MTAP: variants seen among roughly 807,000 people sequenced by gnomAD.
MTAP encodes the protein methylthioadenosine phosphorylase, also known as S-methyl-5'-thioadenosine phosphorylase.
A neutral mutation model predicts 33.6 loss-of-function variants in MTAP; 33 were observed. The ratio of observed to expected loss-of-function variants is 0.98; its 90% CI spans 0.74 to 1.31. MTAP has a LOEUF of 1.31. Among genes scored for constraint, MTAP ranks in the 40% most tolerant of loss-of-function variants. The probability of loss-of-function intolerance (pLI) is 0.00; values close to 1 mark genes in which losing one functional copy is unlikely to be tolerated. For synonymous variants in MTAP, 148 were observed against 125.7 expected, an observed-to-expected ratio of 1.18 and a Z score of -1.19; for missense variants, 367 against 360.0, an observed-to-expected ratio of 1.02 and a Z score of -0.16.
chr9:21,841,844 A>G (rs1387075885), intron 5 of MTAP, among the ~76,000 whole-genome samples: 1 of 152,220 alleles, frequency 6.6e-6, no homozygotes, highest in Non-Finnish European at 1.5e-5. Flanking sequence ...CAGAAAAGCA[A>G]TTCTGGTAAT....
intron 1 of MTAP, among the ~76,000 whole-genome samples, chr9:21,883,098 G>C (rs1818041854): frequency 6.6e-6 from 1 of 150,382 alleles, no homozygotes; most frequent in South Asian, 2.1e-4. Flanking sequence ...TACAGAACAG[G>C]AGAAGATATA....
At chr9:21,935,071 A>C (rs1188575048), downstream of MTAP, 1 of 152,154 alleles carries the variant, frequency 6.6e-6, no homozygotes, top group African/African-American at 2.4e-5. Flanking sequence ...TGTTAATAGG[A>C]AAATATTAAT....
At chr9:21,826,682 A>AC (rs375002832) in intron 4 of MTAP, among the ~76,000 whole-genome samples, 184 of 149,772 alleles carry the variant, frequency 1.2e-3, no homozygotes, top group Non-Finnish European at 1.9e-3. Context: ...TTGTTCCTTT[A>AC]CCCCCCCAAA....
At chr9:21,852,043 C>G (rs931026407) in intron 5 of MTAP, among the ~76,000 whole-genome samples, 1 of 152,124 alleles carries the variant, frequency 6.6e-6, no homozygotes, top group East Asian at 1.9e-4. Flanking sequence ...CTGACTAATA[C>G]AATGGAATAC....
Position 21,826,219 on chromosome 9 carries a change from T to G in MTAP, c.347+8017T>G, listed in dbSNP as rs1437281417. On this transcript the variant is annotated intron_variant, in intron 4 of 7. Transcript: ENST00000644715. ...TTTTTTTTTTAAAGAGAGTATAAAT[T>G]AGTATTTCCTTAGTATTAGATATCT... 6.6e-5 allele frequency among the ~76,000 whole-genome samples: 10 copies of G among 151,516 alleles called. No homozygotes were observed. In the East Asian group the frequency reaches 1.9e-3, roughly 29 times the overall value.
intron 1 of MTAP, among the ~76,000 whole-genome samples, chr9:21,923,639 G>C (rs1818822224): frequency 6.6e-6 from 1 of 152,078 alleles, no homozygotes; most frequent in Admixed American, 6.6e-5. Flanking sequence ...CAGGAGGACA[G>C]GGAACCTCTA....
intron 1 of MTAP, among the ~76,000 whole-genome samples, chr9:21,913,783 C>T (rs1818626631): frequency 6.6e-6 from 1 of 152,200 alleles, no homozygotes; most frequent in South Asian, 2.1e-4. Context: ...CAAATGGGAT[C>T]TAATTAAACT....
At chr9:21,823,983 C>G (rs1315402415) in intron 4 of MTAP, among the ~76,000 whole-genome samples, 1 of 152,200 alleles carries the variant, frequency 6.6e-6, no homozygotes, top group East Asian at 1.9e-4. Flanking sequence ...CTTCTCTACA[C>G]TGGTTATTCT....
chr9:21,911,818 TC>T (rs1818582143), intron 1 of MTAP, among the ~76,000 whole-genome samples: 1 of 151,328 alleles, frequency 6.6e-6, no homozygotes, highest in Non-Finnish European at 1.5e-5. Context: ...AAAAAACCCA[TC>T]AAAAAAATCA....
chr9:21,880,749 A>C (rs1477369616), intron 1 of MTAP, among the ~76,000 whole-genome samples: 2 of 152,174 alleles, frequency 1.3e-5, no homozygotes, highest in Non-Finnish European at 2.9e-5. Flanking sequence ...AACATTGCTG[A>C]AAGAAATAAG....
intron 1 of MTAP, among the ~76,000 whole-genome samples, chr9:21,896,407 A>G (rs1165343052): frequency 5.9e-5 from 9 of 152,190 alleles, no homozygotes; most frequent in Non-Finnish European, 1.3e-4. Flanking sequence ...AAAGGAGATA[A>G]AGACACCAAA....
intron 1 of MTAP, among the ~76,000 whole-genome samples, chr9:21,875,618 C>T (rs1563856374): frequency 1.3e-5 from 2 of 152,058 alleles, no homozygotes; most frequent in South Asian, 2.1e-4. Flanking sequence ...CATCTAGCTC[C>T]CACTTATAAG....
At chr9:21,848,963 C>T (rs1825445174) in intron 5 of MTAP, among the ~76,000 whole-genome samples, 1 of 152,210 alleles carries the variant, frequency 6.6e-6, no homozygotes, top group South Asian at 2.1e-4. Flanking sequence ...GTGTAAAGCT[C>T]TGGCACTGGC....
At chr9:21,938,414 G>A (rs1819076854), downstream of MTAP, among the ~76,000 whole-genome samples, 1 of 151,586 alleles carries the variant, frequency 6.6e-6, no homozygotes, top group Admixed American at 6.6e-5. Context: ...ATTCCAGCCT[G>A]GGCAAGAAAG....
intron 4 of MTAP, among the ~76,000 whole-genome samples, chr9:21,820,932 T>C (rs546485391): frequency 8.7e-4 from 132 of 152,342 alleles, no homozygotes; most frequent in Non-Finnish European, 1.5e-3. Context: ...TGTTTGTCTG[T>C]TATTGGTGTA....
At chr9:21,884,492 T>G (rs925175681) in intron 1 of MTAP, among the ~76,000 whole-genome samples, 7 of 152,226 alleles carry the variant, frequency 4.6e-5, no homozygotes, top group African/African-American at 1.7e-4. Context: ...CAATTCAAGC[T>G]ATTGTAAAAA....
intron 5 of MTAP, among the ~76,000 whole-genome samples, chr9:21,848,391 A>G (rs1171582075): frequency 6.9e-6 from 1 of 144,692 alleles, no homozygotes; most frequent in Non-Finnish European, 1.5e-5. Context: ...ATAATGGTGG[A>G]AGGAAAATGG....
At chr9:21,804,718 A>G (rs551675533) in intron 1 of MTAP, among the ~76,000 whole-genome samples, 1 of 152,338 alleles carries the variant, frequency 6.6e-6, no homozygotes, top group South Asian at 2.1e-4. Context: ...TTATAGAATG[A>G]TGGGGCTGGA....
intron 2 of MTAP, among the ~76,000 whole-genome samples, chr9:21,815,963 TA>T (rs1824464253): frequency 6.6e-6 from 1 of 152,186 alleles, no homozygotes; most frequent in African/African-American, 2.4e-5. Flanking sequence ...AATTAGAACA[TA>T]CCTGATGTTA....
Sources: allele counts gnomAD v4.1 joint callset (sites outside exome capture counted in the v4.1 genomes callset), GRCh38; gene constraint gnomAD v4.1.1; transcripts MANE v1.5; gene names NCBI Gene and HGNC (gene_info 2026-07-23, HGNC 2026-07-21).